The following KPNA7 variants were observed in gnomAD, a reference collection of about 807,000 sequenced individuals.
The protein encoded by KPNA7 is importin subunit alpha-8.
KPNA7 carries 54 observed loss-of-function variants against 53.7 expected under a neutral mutation model. That is an observed-to-expected ratio of 1.01 (90% CI 0.81 to 1.26). KPNA7 has a LOEUF of 1.26. KPNA7 is among the 50% of genes most tolerant of loss of function. KPNA7 has a pLI of 0.00. For synonymous variants in KPNA7, 276 were observed against 259.3 expected, an observed-to-expected ratio of 1.06 and a Z score of -0.62; for missense variants, 640 against 644.5, an observed-to-expected ratio of 0.99 and a Z score of 0.07.
chr7:99,218,804 G>T (rs1791275468), intron 1 of KPNA7, among the ~76,000 whole-genome samples: 1 of 152,222 alleles, frequency 6.6e-6, no homozygotes, highest in African/African-American at 2.4e-5. Context: ...AGCCTCCTCA[G>T]GGCCCCCAAA....
At chr7:99,165,942 T>C in the KPNA7 span, among the ~76,000 whole-genome samples, 2 of 152,082 alleles carry the variant, frequency 1.3e-5, no homozygotes, top group Non-Finnish European at 2.9e-5. Flanking sequence ...GGAGGCAGAT[T>C]TCCCCCTTGC....
chr7:99,187,214 C>T lies in KPNA7; in HGVS notation c.900+1086G>A, dbSNP rs1019020025. On this transcript the variant is annotated intron_variant, in intron 7 of 10. Transcript: ENST00000327442. ...CTGAGGCAAGAGAATTGCTTGAAGT[C>T]GGGAGGTGGAGGTTGCAGTGAGCCA... Among the ~76,000 whole-genome samples the T allele has an allele frequency of 1.1e-4, 16 of 152,114 alleles. No individual in the cohort carries two copies. The East Asian group carries it at 1.2e-3, about 11-fold the overall frequency.
At chr7:99,159,562 A>C in the KPNA7 span, among the ~76,000 whole-genome samples, 2 of 152,078 alleles carry the variant, frequency 1.3e-5, no homozygotes, top group Non-Finnish European at 2.9e-5. Context: ...TCACATTGCC[A>C]ATTCCACCCC....
chr7:99,150,354 C>A, the KPNA7 span, among the ~76,000 whole-genome samples: 1 of 151,916 alleles, frequency 6.6e-6, no homozygotes, highest in African/African-American at 2.4e-5. Context: ...CCTGGGCCGC[C>A]CCCTAAAGTG....
chr7:99,195,634 C>CGGAG (rs1790190722), intron 4 of KPNA7, among the ~76,000 whole-genome samples: 1 of 152,022 alleles, frequency 6.6e-6, no homozygotes, highest in South Asian at 2.1e-4. Flanking sequence ...ACCCAGTAGG[C>CGGAG]GGAGGTTGCA....
rs371328889 is a variant in KPNA7, at chr7:99,207,534, T to C, written c.-23-45A>G. 2.9e-3 allele frequency: 2,859 copies of C among 998,472 alleles called. 9 individuals carry two copies. Among genetic ancestry groups the C allele is most frequent in the Non-Finnish European group, 3.9e-3 (2,567 of 650,840 alleles). 61.9% of individuals were successfully genotyped at this position (998,472 alleles called of 1,614,324 possible). ...AAAGAAATTTTCAGTGCCCATTGTG[T>C]GGGTTATTATGTCAGTATCATAAGG... On this transcript the variant is annotated intron_variant, in intron 1 of 10. Coordinates refer to ENST00000327442, the MANE Select transcript of KPNA7 (RefSeq NM_001145715.3).
chr7:99,215,487 C>A (rs1228570126), intron 1 of KPNA7, among the ~76,000 whole-genome samples: 7 of 151,768 alleles, frequency 4.6e-5, no homozygotes, highest in Non-Finnish European at 1.0e-4. Context: ...GTCCTCCCCA[C>A]TCCTTGAGGT....
intron 10 of KPNA7, among the ~76,000 whole-genome samples, chr7:99,174,819 T>A (rs548471266): frequency 2.0e-4 from 31 of 151,800 alleles, no homozygotes; most frequent in African/African-American, 3.4e-4. Flanking sequence ...ATTTATTATT[T>A]TTTTTTTTTG....
chr7:99,160,379 T>C, the KPNA7 span, among the ~76,000 whole-genome samples: 1 of 152,118 alleles, frequency 6.6e-6, no homozygotes, highest in Non-Finnish European at 1.5e-5. Flanking sequence ...AGGGGTTTAA[T>C]TGCAGCTTCC....
chr7:99,164,765 A>G, the KPNA7 span, among the ~76,000 whole-genome samples: 1,785 of 152,298 alleles, frequency 0.012, 34 homozygotes, highest in African/African-American at 0.041. Flanking sequence ...TCAAAGACAC[A>G]TGAGCTATTT....
the KPNA7 span, among the ~76,000 whole-genome samples, chr7:99,156,528 C>G: frequency 6.6e-6 from 1 of 151,288 alleles, no homozygotes; most frequent in Non-Finnish European, 1.5e-5. Context: ...AATTCTGATA[C>G]TTTTTTTTTG....
chr7:99,164,309 T>TAA, the KPNA7 span, among the ~76,000 whole-genome samples: 7 of 151,762 alleles, frequency 4.6e-5, no homozygotes, highest in Non-Finnish European at 7.4e-5. Context: ...TATGCAGCCA[T>TAA]AAAAAATGAA....
chr7:99,217,722 C>T (rs1791250017), intron 1 of KPNA7, among the ~76,000 whole-genome samples: 1 of 141,290 alleles, frequency 7.1e-6, no homozygotes, highest in Non-Finnish European at 1.5e-5. Flanking sequence ...CCTCCGCCTC[C>T]TGGGTTGAAG....
chr7:99,178,771 CAAAAAAAAAAAAAA>C (rs756807848), intron 9 of KPNA7, among the ~76,000 whole-genome samples: 24 of 27,708 alleles, frequency 8.7e-4, no homozygotes, highest in African/African-American at 2.3e-3. Flanking sequence ...ATCTTTGTCT[CAAAAAAAAAAAAAA>C]AAAAAAAAAA....
the KPNA7 span, among the ~76,000 whole-genome samples, chr7:99,162,037 ATTTTTT>A: frequency 4.7e-5 from 5 of 106,940 alleles, no homozygotes; most frequent in South Asian, 2.9e-4. Flanking sequence ...CAAGATTGCA[ATTTTTT>A]TTTTTTTTTT....
At chr7:99,208,960 T>G (rs1204274646), upstream of KPNA7, among the ~76,000 whole-genome samples, 1 of 151,978 alleles carries the variant, frequency 6.6e-6, no homozygotes, top group Non-Finnish European at 1.5e-5. Flanking sequence ...GAGATCAGCC[T>G]GGGCAACATG....
rs189534931 is a variant in KPNA7, at chr7:99,214,846, C to T, written c.-23-7357G>A. On this transcript the variant is annotated intron_variant, in intron 1 of 10. Coordinates refer to the KPNA7 transcript ENST00000681060. Reference sequence around the variant, plus strand: ...AAGGAGGAAAGCCCATTTCATGCAACAGAAACAATAGAGGCCACTTCTGAA... The same window carrying T: ...AAGGAGGAAAGCCCATTTCATGCAATAGAAACAATAGAGGCCACTTCTGAA... 9.9e-5 allele frequency among the ~76,000 whole-genome samples: 15 copies of T among 151,952 alleles called. No homozygotes were observed. The East Asian group carries it at 2.9e-3, about 30-fold the overall frequency.
intron 2 of KPNA7, among the ~76,000 whole-genome samples, chr7:99,206,865 G>A (rs2150777691): frequency 6.6e-6 from 1 of 152,180 alleles, no homozygotes; most frequent in African/African-American, 2.4e-5. Context: ...CAGTTGTCTG[G>A]CTCCTAAGTC....
At chr7:99,167,535 C>G in the KPNA7 span, among the ~76,000 whole-genome samples, 1 of 151,464 alleles carries the variant, frequency 6.6e-6, no homozygotes, top group African/African-American at 2.4e-5. Flanking sequence ...TCACTGCAAC[C>G]TCCACCTCCC....
Sources: allele counts gnomAD v4.1 joint callset (sites outside exome capture counted in the v4.1 genomes callset), GRCh38; gene constraint gnomAD v4.1.1; transcripts MANE v1.5; gene names NCBI Gene and HGNC (gene_info 2026-07-23, HGNC 2026-07-21).